NUP62: variants seen among roughly 807,000 people sequenced by gnomAD.
NUP62 encodes the protein nucleoporin 62.
For missense variants in NUP62, 647 were observed against 689.4 expected (o/e 0.94, Z 0.69); for synonymous variants, 305 against 303.4 (o/e 1.01, Z -0.05).
rs565130671 is a variant in NUP62 at position 49,918,005 on chromosome 19, AAAAC to A, written c.-77-8125_-77-8122del. ...TGGGTGACAGAGCGAGACTCTGTCTAAAACAAACAGACACACAAAACAAACAAAC... is the reference window on the plus strand; with the variant it reads ...TGGGTGACAGAGCGAGACTCTGTCTAAAACAGACACACAAAACAAACAAAC... On this transcript the variant is annotated intron_variant, in intron 2 of 2. Transcript: ENST00000352066. 7.4e-4 allele frequency among the ~76,000 whole-genome samples: 112 copies of A among 151,708 alleles called. 1 individual carries two copies. The East Asian group carries it at 0.019, about 26-fold the overall frequency.
rs1205285428 is a variant in NUP62, at chr19:49,919,594, CT to C, written c.-78+8099del. 3.9e-5 allele frequency among the ~76,000 whole-genome samples: 6 copies of C among 152,326 alleles called. No homozygotes were observed. The East Asian group carries it at 1.2e-3, about 29-fold the overall frequency. On this transcript the variant is annotated intron_variant, in intron 2 of 2. Coordinates refer to ENST00000352066, the MANE Select transcript of NUP62 (RefSeq NM_016553.5). ...CACTGATTTTCAACCTTCTCTCCTGCTTTCCCCTGAAGTCACCTGACGGCTA... is the reference window on the plus strand; with the variant it reads ...CACTGATTTTCAACCTTCTCTCCTGCTTCCCCTGAAGTCACCTGACGGCTA...
In NUP62 at chr19:49,926,061, T is replaced by C. The variant is rs1600566760; in HGVS notation, c.-78+1633A>G. 2.0e-5 allele frequency among the ~76,000 whole-genome samples: 3 copies of C among 151,510 alleles called. No homozygotes were observed. In the East Asian group the frequency reaches 5.8e-4, roughly 29 times the overall value. On this transcript the variant is annotated intron_variant, in intron 2 of 2. Coordinates refer to ENST00000352066, the MANE Select transcript of NUP62 (RefSeq NM_016553.5). ...CTGTATCTACTAAAAATATAAAAAT[T>C]AGCCAGGCATGATGGTGCATGTCTG... is the stretch of plus-strand genomic sequence containing the variant.
At chr19:49,914,741 TTTTTTTTTTTTTTTTTG>T (rs2075580035) in intron 2 of NUP62, among the ~76,000 whole-genome samples, 1 of 127,654 alleles carries the variant, frequency 7.8e-6, no homozygotes. Context: ...TTTTTTTTTT[TTTTTTTTTTTTTTTTTG>T]AGATGGAGTC....
intron 2 of NUP62, among the ~76,000 whole-genome samples, chr19:49,919,960 C>T (rs1479826002): frequency 1.3e-5 from 2 of 152,152 alleles, no homozygotes; most frequent in Non-Finnish European, 2.9e-5. Context: ...CAAGGTCTCA[C>T]TCTGTCTCCC....
At chr19:49,919,120 T>G (rs2075702497) in intron 2 of NUP62, among the ~76,000 whole-genome samples, 1 of 152,276 alleles carries the variant, frequency 6.6e-6, no homozygotes, top group East Asian at 1.9e-4. Context: ...ACCACTGCAC[T>G]CCAGCCTGGG....
At chr19:49,913,895 G>C (rs996143729) in intron 2 of NUP62, among the ~76,000 whole-genome samples, 1 of 152,200 alleles carries the variant, frequency 6.6e-6, no homozygotes, top group South Asian at 2.1e-4. Context: ...GGGTGTGGGG[G>C]ATGAACCGTA....
chr19:49,908,000 A>T lies in NUP62; in HGVS notation c.*239T>A. 1 of 799,296 alleles carries T rather than the reference A, an allele frequency of 1.3e-6. No homozygotes were observed. Among genetic ancestry groups the T allele is most frequent in the Non-Finnish European group, 1.9e-6 (1 of 525,220 alleles). 49.5% of individuals were successfully genotyped at this position (799,296 alleles called of 1,614,324 possible). On this transcript the variant is annotated 3_prime_UTR_variant, in exon 3 of 3. Coordinates refer to ENST00000352066, the MANE Select transcript of NUP62 (RefSeq NM_016553.5). ...TGGTCGCAGTAGGTGAAAAGGGGCC[A>T]AAGATACTCAAATGAAAGCCACAGA...
intron 2 of NUP62, among the ~76,000 whole-genome samples, chr19:49,924,053 G>C (rs981724564): frequency 6.6e-6 from 1 of 152,214 alleles, no homozygotes; most frequent in African/African-American, 2.4e-5. Context: ...CACGGTGCAG[G>C]TGCAGGCAGG....
At chr19:49,917,164 G>A (rs1244155070) in intron 2 of NUP62, among the ~76,000 whole-genome samples, 1 of 152,236 alleles carries the variant, frequency 6.6e-6, no homozygotes, top group Non-Finnish European at 1.5e-5. Flanking sequence ...GGAGTGGAGA[G>A]GAGAGAAACA....
intron 2 of NUP62, among the ~76,000 whole-genome samples, chr19:49,916,354 A>ATTT (rs1182733064): frequency 7.6e-6 from 1 of 131,986 alleles, no homozygotes; most frequent in African/African-American, 2.8e-5. Context: ...TATCTTTTGT[A>ATTT]TTTTTTTTTT....
At chr19:49,914,891 C>G (rs1386390199) in intron 2 of NUP62, among the ~76,000 whole-genome samples, 3 of 151,778 alleles carry the variant, frequency 2.0e-5, no homozygotes, top group African/African-American at 7.3e-5. Flanking sequence ...AGGCGTGCAC[C>G]ACCATGCCCA....
intron 2 of NUP62, among the ~76,000 whole-genome samples, chr19:49,913,396 TAG>T (rs746802314): frequency 2.5e-4 from 38 of 152,170 alleles, no homozygotes; most frequent in Non-Finnish European, 5.3e-4. Flanking sequence ...CAGGCCACTC[TAG>T]AGAGTCCATG....
chr19:49,925,673 G>C (rs550536988), intron 2 of NUP62, among the ~76,000 whole-genome samples: 1 of 152,310 alleles, frequency 6.6e-6, no homozygotes, highest in East Asian at 1.9e-4. Flanking sequence ...AAGGCATCCG[G>C]AAGGAGCAGA....
chr19:49,908,875 G>T lies in NUP62; in HGVS notation c.933C>A (p.Thr311=). The change falls in exon 3 of 3, where the codon ACC becomes ACA. Residue 311 remains threonine (T), a synonymous_variant. Transcript: ENST00000352066. ...GIPSNTAAAV[T]APPGPGAAAG... is the part of the protein sequence containing the mutation. Reference sequence around the variant, plus strand: ...CAGCTGCGCCAGGGCCAGGTGGAGCGGTCACGGCAGCTGCTGTATTGCTGG... The same window carrying T: ...CAGCTGCGCCAGGGCCAGGTGGAGCTGTCACGGCAGCTGCTGTATTGCTGG... The T allele has an allele frequency of 6.2e-7, 1 of 1,610,672 alleles. No homozygotes were observed. The highest frequency in any genetic ancestry group is 8.5e-7 in the Non-Finnish European group (1 of 1,179,648).
chr19:49,914,739 T>G (rs1056446533), intron 2 of NUP62, among the ~76,000 whole-genome samples: 4 of 119,540 alleles, frequency 3.3e-5, no homozygotes, highest in Admixed American at 1.7e-4. Context: ...TTTTTTTTTT[T>G]TTTTTTTTTT....
intron 2 of NUP62, among the ~76,000 whole-genome samples, chr19:49,911,759 T>C (rs2075469467): frequency 6.6e-6 from 1 of 152,232 alleles, no homozygotes; most frequent in East Asian, 1.9e-4. Context: ...TTAGCTCCAC[T>C]AAGCCAGTCT....
chr19:49,920,209 A>G (rs1214756364), intron 2 of NUP62, among the ~76,000 whole-genome samples: 1 of 152,136 alleles, frequency 6.6e-6, no homozygotes, highest in African/African-American at 2.4e-5. Context: ...CAGCCTCCCA[A>G]GTAGCTGGGA....
rs1413053087 is a variant in NUP62, at chr19:49,921,671, AC to A, written c.-78+6022del. ...GACCTCAAAACTCTCCATGGGGGGT[AC>A]CCCTCTGCCCATTGAGGGGGCACCT... On this transcript the variant is annotated intron_variant, in intron 2 of 2. Coordinates refer to ENST00000352066, the MANE Select transcript of NUP62 (RefSeq NM_016553.5). This position sits in a 1 kb window ranked among gnomAD's most constrained non-coding sequence, Gnocchi z 5.4. Among the ~76,000 whole-genome samples, 4 of 152,068 alleles carry A rather than the reference AC, an allele frequency of 2.6e-5. No homozygotes were observed. The highest frequency in any genetic ancestry group is 4.4e-5 in the Non-Finnish European group (3 of 67,994).
Position 49,908,549 on chromosome 19 carries a change from G to A in NUP62, c.1259C>T (p.Thr420Ile), listed in dbSNP as rs887412812. Reference sequence around the variant, plus strand: ...CTCATCCGCGTGCTGCAGGTAGATGGTCCCGCTCTGCTCCTTGACCAACTC... The same window carrying A: ...CTCATCCGCGTGCTGCAGGTAGATGATCCCGCTCTGCTCCTTGACCAACTC... ...LEELVKEQSG[T>I]IYLQHADEER... Residue 420 changes from threonine to isoleucine, a missense_variant, in exon 3 of 3, where the codon ACC (threonine) becomes ATC (isoleucine). By Grantham distance (89) the Thr-to-Ile change is moderately conservative. Coordinates refer to ENST00000352066, the MANE Select transcript of NUP62 (RefSeq NM_016553.5). 9.3e-6 allele frequency: 15 copies of A among 1,614,052 alleles called. No homozygotes were observed. The highest frequency in any genetic ancestry group is 1.7e-5 in the Admixed American group (1 of 59,998).
Sources: allele counts gnomAD v4.1 joint callset (sites outside exome capture counted in the v4.1 genomes callset), GRCh38; gene constraint gnomAD v4.1.1; non-coding constraint Gnocchi (gnomAD v3.1); transcripts MANE v1.5; gene names NCBI Gene and HGNC (gene_info 2026-07-23, HGNC 2026-07-21).